SCAMP1: variants seen among roughly 807,000 people sequenced by gnomAD.
SCAMP1 encodes the protein secretory carrier-associated membrane protein 1.
A neutral mutation model predicts 41.8 loss-of-function variants in SCAMP1; 15 were observed. The ratio of observed to expected loss-of-function variants is 0.36; its 90% CI spans 0.24 to 0.55. SCAMP1 has a LOEUF of 0.55. Ranked by LOEUF, SCAMP1 falls within the 20% of genes least tolerant of loss-of-function variation. The pLI is 0.86. For missense variants in SCAMP1, 341 were observed against 412.6 expected (o/e 0.83, Z 1.50); for synonymous variants, 135 against 136.8 (o/e 0.99, Z 0.09).
intron 6 of SCAMP1, among the ~76,000 whole-genome samples, chr5:78,440,400 C>T (rs773163948): frequency 1.3e-5 from 2 of 152,184 alleles, no homozygotes; most frequent in African/African-American, 2.4e-5. Context: ...TTGTGGATGT[C>T]CTTTCTGTTT....
At chr5:78,414,318 T>C (rs1244639030) in intron 2 of SCAMP1, among the ~76,000 whole-genome samples, 2 of 152,130 alleles carry the variant, frequency 1.3e-5, no homozygotes, top group Non-Finnish European at 2.9e-5. Flanking sequence ...AGTCTTGCTC[T>C]GTCTCCCAGG....
chr5:78,464,377 C>T (rs181835798), intron 8 of SCAMP1, among the ~76,000 whole-genome samples: 5 of 152,216 alleles, frequency 3.3e-5, no homozygotes, highest in Non-Finnish European at 5.9e-5. Context: ...CTCCTGACCT[C>T]GTGTTCTGCC....
Position 78,479,289 on chromosome 5 carries a change from A to T in SCAMP1, c.*3621A>T, listed in dbSNP as rs911397710. Among the ~76,000 whole-genome samples the T allele has an allele frequency of 4.8e-5, 7 of 146,822 alleles. No homozygotes were observed. The highest frequency in any genetic ancestry group is 1.7e-4 in the Admixed American group (2 of 12,032). ...AGATGAAATAAGATTGGTTAATTTT[A>T]AAAAAATTGAGGATGGTTAAAAAAT... On this transcript the variant is annotated 3_prime_UTR_variant, in exon 9 of 9. Transcript: ENST00000621999.
intron 8 of SCAMP1, among the ~76,000 whole-genome samples, chr5:78,462,084 G>A (rs892136941): frequency 1.3e-5 from 2 of 152,042 alleles, no homozygotes; most frequent in African/African-American, 4.8e-5. Context: ...CATGAATGTG[G>A]ATGTTTTTCC....
intron 1 of SCAMP1, among the ~76,000 whole-genome samples, chr5:78,366,488 G>A (rs1459119258): frequency 1.3e-5 from 2 of 152,036 alleles, no homozygotes; most frequent in Non-Finnish European, 2.9e-5. Context: ...ATTCTTGAGA[G>A]CAGAGCCCTG....
intron 8 of SCAMP1, among the ~76,000 whole-genome samples, chr5:78,469,940 A>C: frequency 2.1e-5 from 2 of 96,940 alleles, no homozygotes; most frequent in Admixed American, 2.2e-4. Context: ...AAACAACAAC[A>C]CAGCCCAGGC....
At chr5:78,391,866 G>A (rs1751517220) in intron 2 of SCAMP1, among the ~76,000 whole-genome samples, 2 of 152,218 alleles carry the variant, frequency 1.3e-5, no homozygotes, top group African/African-American at 4.8e-5. Flanking sequence ...AACTGGTCAG[G>A]CGTGGCGGCG....
intron 7 of SCAMP1, among the ~76,000 whole-genome samples, chr5:78,452,756 T>C (rs1195698358): frequency 1.3e-5 from 2 of 148,470 alleles, no homozygotes; most frequent in Admixed American, 6.7e-5. Context: ...CCCTGAGGAA[T>C]CGCCACACTG....
chr5:78,447,819 CCCCT>C (rs1753089723), intron 6 of SCAMP1, among the ~76,000 whole-genome samples: 1 of 128,892 alleles, frequency 7.8e-6, no homozygotes, highest in Non-Finnish European at 1.7e-5. Context: ...CTCCCTCCTC[CCCCT>C]CTCCCTCCCC....
intron 6 of SCAMP1, among the ~76,000 whole-genome samples, chr5:78,449,322 A>C (rs142891106): frequency 6.6e-6 from 1 of 152,176 alleles, no homozygotes; most frequent in Non-Finnish European, 1.5e-5. Flanking sequence ...AAAGGAATGA[A>C]CTTTTGATAC....
intron 1 of SCAMP1, among the ~76,000 whole-genome samples, chr5:78,387,425 G>T (rs933161597): frequency 1.3e-5 from 2 of 148,316 alleles, no homozygotes; most frequent in Admixed American, 6.7e-5. Context: ...CTCCTTGATC[G>T]GCTTAAAAGT....
At chr5:78,368,483 T>G (rs950154055) in intron 1 of SCAMP1, among the ~76,000 whole-genome samples, 1 of 152,242 alleles carries the variant, frequency 6.6e-6, no homozygotes, top group Non-Finnish European at 1.5e-5. Context: ...ATTTATTGGT[T>G]ATTTCCTTAA....
chr5:78,479,103 A>G lies in SCAMP1; in HGVS notation c.*3435A>G, dbSNP rs918762111. ...AAATCTGTGTTTGGCATGACTGTTT[A>G]TATACAGAATTTGTTACATTTTGAG... On this transcript the variant is annotated 3_prime_UTR_variant, in exon 9 of 9. Coordinates refer to ENST00000621999, the MANE Select transcript of SCAMP1 (RefSeq NM_004866.6). The G allele has an allele frequency of 1.3e-5, 2 of 152,148 alleles. No homozygotes were observed. The highest frequency in any genetic ancestry group is 2.4e-5 in the African/African-American group (1 of 41,454). 9.4% of individuals were successfully genotyped at this position (152,148 alleles called of 1,614,324 possible). A position where few individuals can be genotyped will look rare whatever the true frequency, so the allele number is the denominator to read the frequency against.
intron 6 of SCAMP1, among the ~76,000 whole-genome samples, chr5:78,428,654 A>T (rs1245573059): frequency 6.6e-6 from 1 of 152,168 alleles, no homozygotes; most frequent in Non-Finnish European, 1.5e-5. Flanking sequence ...AAATAAAAAT[A>T]AAAACCCTGC....
Position 78,448,957 on chromosome 5 carries a change from G to A in SCAMP1, c.633-976G>A, listed in dbSNP as rs145913060. The stretch of plus-strand genomic sequence containing the variant: ...AGAGGTTGTGGTGAGCCAAGATTGC[G>A]CCATTGCACTCCAACTTGGGCAAGA... On this transcript the variant is annotated intron_variant, in intron 6 of 8. Transcript: ENST00000621999. 1.0e-3 allele frequency among the ~76,000 whole-genome samples: 151 copies of A among 150,258 alleles called. 1 individual carries two copies. Among genetic ancestry groups the A allele is most frequent in the African/African-American group, 3.4e-3 (138 of 40,820 alleles).
chr5:78,371,031 A>G (rs1750932216), intron 1 of SCAMP1, among the ~76,000 whole-genome samples: 1 of 151,970 alleles, frequency 6.6e-6, no homozygotes, highest in African/African-American at 2.4e-5. Context: ...CTTTTTTATT[A>G]TTGAGTTATA....
At chr5:78,370,820 C>G (rs944294882) in intron 1 of SCAMP1, 1 of 152,122 alleles carries the variant, frequency 6.6e-6, no homozygotes, top group African/African-American at 2.4e-5. Flanking sequence ...GTAGATTTCT[C>G]TACATCTTTG....
chr5:78,462,888 T>C (rs1292361250), intron 8 of SCAMP1, among the ~76,000 whole-genome samples: 1 of 152,240 alleles, frequency 6.6e-6, no homozygotes, highest in African/African-American at 2.4e-5. Context: ...ATAACACCTA[T>C]GTTTTAAATG....
At chr5:78,452,962 T>G (rs1426614565) in intron 7 of SCAMP1, among the ~76,000 whole-genome samples, 1 of 149,394 alleles carries the variant, frequency 6.7e-6, no homozygotes, top group African/African-American at 2.5e-5. Flanking sequence ...TTCATGTGTT[T>G]TTTGGCTGCA....
Sources: gnomAD v4.1 joint callset for allele counts (sites outside exome capture counted in the v4.1 genomes callset) on GRCh38, gnomAD v4.1.1 for gene constraint, MANE v1.5 for transcripts, NCBI Gene and HGNC (gene_info 2026-07-23, HGNC 2026-07-21) for gene names.